Variants in MRPL19 observed in about 807,000 individuals in gnomAD.
MRPL19 encodes large ribosomal subunit protein bL19m.
A neutral mutation model predicts 34.0 loss-of-function variants in MRPL19; 31 were observed. The ratio of observed to expected loss-of-function variants is 0.91; its 90% CI spans 0.68 to 1.23. MRPL19 has a LOEUF of 1.23. MRPL19 is among the 50% of genes most tolerant of loss of function. MRPL19 has a pLI of 0.00. For synonymous variants in MRPL19, 152 were observed against 127.7 expected, an observed-to-expected ratio of 1.19 and a Z score of -1.28; for missense variants, 384 against 367.6, an observed-to-expected ratio of 1.04 and a Z score of -0.37.
chr2:75,655,254 G>A lies in MRPL19; in HGVS notation c.848G>A (p.Trp283Ter). Residue 283 changes from tryptophan to a stop codon, truncating the protein, a stop_gained, in exon 6 of 6, where the codon TGG (tryptophan) becomes TAG (stop). Transcript: ENST00000393909. LOFTEE classifies it high-confidence loss of function. The stretch of plus-strand genomic sequence containing the variant: ...ACTTCAAAAATTGAAGCTGCAATAT[G>A]GAAGGAAATTGAAGCGTCGAAAAGG... ...YDTSKIEAAI[W>*]KEIEASKRS 2 of 1,612,978 alleles carry A rather than the reference G, an allele frequency of 1.2e-6. No homozygotes were observed. The highest frequency in any genetic ancestry group is 1.1e-5 in the South Asian group (1 of 90,848).
chr2:75,655,891 A>AC lies in MRPL19; in HGVS notation c.*608dup, dbSNP rs59536159. 6.6e-6 allele frequency: 1 copy of AC among 151,406 alleles called. No individual in the cohort carries two copies. The highest frequency in any genetic ancestry group is 2.4e-5 in the African/African-American group (1 of 41,100). The allele number at this position is 151,406 out of a possible 1,614,324, so 9.4% of individuals were successfully genotyped here. Reference sequence around the variant, plus strand: ...AATTTTGAAAAACCTGAAAAAAAAAACCTGTTAGCAAGTATAAAGGGGCAG... The same window carrying AC: ...AATTTTGAAAAACCTGAAAAAAAAAACCCTGTTAGCAAGTATAAAGGGGCAG... On this transcript the variant is annotated 3_prime_UTR_variant, in exon 6 of 6. Transcript: ENST00000393909.
At chr2:75,652,394 C>CAAA in intron 3 of MRPL19, 129 bp from the exon 4 acceptor site, 1 of 1,322,896 alleles carries the variant, frequency 7.6e-7, no homozygotes, top group African/African-American at 1.5e-5. Flanking sequence ...AGTATTTATT[C>CAAA]CTACATTAAA....
Position 75,646,831 on chromosome 2 carries a change from G to A in MRPL19, c.24G>A (p.Gly8=), listed in dbSNP as rs371697742. The A allele has an allele frequency of 1.3e-6, 2 of 1,581,074 alleles. No individual in the cohort carries two copies. Among genetic ancestry groups the A allele is most frequent in the Non-Finnish European group, 1.7e-6 (2 of 1,163,420 alleles). Residue 8 remains glycine, a synonymous_variant, in exon 1 of 6, where the codon GGG becomes GGA. Transcript: ENST00000393909. MAACIAA[G]HWAAMGLGRS... is the part of the protein sequence containing the mutation. ...GCATGGCGGCCTGCATTGCAGCGGG[G>A]CACTGGGCTGCAATGGGCCTAGGCC...
intron 2 of MRPL19, chr2:75,647,802 T>G (rs1678254300): frequency 6.6e-6 from 1 of 152,252 alleles, no homozygotes; most frequent in African/African-American, 2.4e-5. Flanking sequence ...AAGCCAGTTT[T>G]CAGAGGAAAA....
rs943227290 is a variant in MRPL19, at chr2:75,652,728, T to C, written c.475+71T>C. On this transcript the variant is annotated intron_variant, in intron 4 of 5. Transcript: ENST00000393909. ...AGGATTCCTTTTTGTTTCTGCATCC[T>C]GGGATAAGAAATCTGAAATTTGAAA... 2.7e-6 allele frequency: 4 copies of C among 1,496,520 alleles called. No homozygotes were observed. In the African/African-American group the frequency reaches 5.6e-5, roughly 21 times the overall value. The allele number at this position is 1,496,520 out of a possible 1,614,324, so 92.7% of individuals were successfully genotyped here.
chr2:75,652,330 T>C (rs1238209566), intron 3 of MRPL19, 70 bp downstream of exon 3: 52 of 1,341,068 alleles, frequency 3.9e-5, no homozygotes, highest in Non-Finnish European at 5.0e-5. Flanking sequence ...TGGTTAGTTT[T>C]CTTAAAAAGC....
chr2:75,659,459 T>G lies in MRPL19; in HGVS notation c.*4174T>G, dbSNP rs759674733. Among the ~76,000 whole-genome samples, 14 of 152,186 alleles carry G rather than the reference T, an allele frequency of 9.2e-5. No homozygotes were observed. The highest frequency in any genetic ancestry group is 1.3e-4 in the Non-Finnish European group (9 of 68,006). The stretch of plus-strand genomic sequence containing the variant: ...TATATTTGTCAATATATTTATCTTA[T>G]TTTGGATCCTTATTTCATTATATAG... On this transcript the variant is annotated 3_prime_UTR_variant, in exon 6 of 6. Coordinates refer to ENST00000393909, the MANE Select transcript of MRPL19 (RefSeq NM_014763.4).
chr2:75,649,594 CCTT>C (rs1310209298), intron 2 of MRPL19, among the ~76,000 whole-genome samples: 1 of 152,080 alleles, frequency 6.6e-6, no homozygotes, highest in Non-Finnish European at 1.5e-5. Flanking sequence ...AGGAGCAAGT[CCTT>C]ATTCTTAGCA....
At chr2:75,654,606 C>A in intron 4 of MRPL19, 130 bp from the exon 5 acceptor site, 1 of 720,128 alleles carries the variant, frequency 1.4e-6, no homozygotes, top group Non-Finnish European at 2.1e-6. Flanking sequence ...TTAAAAATTT[C>A]AAATTAACGG....
chr2:75,655,210 TATG>T lies in MRPL19; in HGVS notation c.809_811del (p.Met270del). On this transcript the variant is annotated inframe_deletion, in exon 6 of 6. Transcript: ENST00000393909. Reference sequence around the variant, plus strand: ...GGAATCAGCCATGGCTTGAATTTGATATGATGAGGGAATATGATACTTCAAAAA... The same window carrying T: ...GGAATCAGCCATGGCTTGAATTTGATATGAGGGAATATGATACTTCAAAAA... The T allele has an allele frequency of 6.2e-7, 1 of 1,613,564 alleles. No individual in the cohort carries two copies. The highest frequency in any genetic ancestry group is 8.5e-7 in the Non-Finnish European group (1 of 1,179,762).
In MRPL19 at chr2:75,660,954, C is replaced by T. The variant is rs967841353; in HGVS notation, c.*5669C>T. On this transcript the variant is annotated 3_prime_UTR_variant, in exon 6 of 6. Transcript: ENST00000393909. ...TTTGGATATCTTGACCATAGTCTTT[C>T]GACCCAGGTGTTTGCGGTTGTTAGT... 1 of 152,134 alleles carries T rather than the reference C, an allele frequency of 6.6e-6. No homozygotes were observed. Among genetic ancestry groups the T allele is most frequent in the East Asian group, 1.9e-4 (1 of 5,202 alleles). 9.4% of individuals were successfully genotyped at this position (152,134 alleles called of 1,614,324 possible). A position where few individuals can be genotyped will look rare whatever the true frequency, so the allele number is the denominator to read the frequency against.
In MRPL19 at chr2:75,647,163, A is replaced by G; in HGVS notation, c.165A>G (p.Gln55=). The change falls in exon 2 of 6, where the codon CAA becomes CAG. Residue 55 remains glutamine (Q), a synonymous_variant. Transcript: ENST00000393909. ...STGPSEPGAF[Q]PPPKPVIVDK... ...GGCCTTCCGAGCCCGGTGCGTTCCA[A>G]CCGCCGCCGAAACCGGTCATCGTGG... The G allele has an allele frequency of 6.3e-7, 1 of 1,577,298 alleles. No homozygotes were observed. Among genetic ancestry groups the G allele is most frequent in the South Asian group, 1.2e-5 (1 of 86,138 alleles).
Position 75,655,951 on chromosome 2 carries a change from C to G in MRPL19, c.*666C>G, listed in dbSNP as rs543021288. ...TATTGCATGAAGGCTTCAAGGGAAA[C>G]GTTACAGTCTTTGGGTCATAGTCTG... On this transcript the variant is annotated 3_prime_UTR_variant, in exon 6 of 6. Transcript: ENST00000393909. 1 of 151,674 alleles carries G rather than the reference C, an allele frequency of 6.6e-6. No individual in the cohort carries two copies. Among genetic ancestry groups the G allele is most frequent in the Non-Finnish European group, 1.5e-5 (1 of 67,976 alleles). The allele number at this position is 151,674 out of a possible 1,614,324, so 9.4% of individuals were successfully genotyped here.
In MRPL19 at chr2:75,661,023, G is replaced by A. The variant is rs984508730; in HGVS notation, c.*5738G>A. On this transcript the variant is annotated 3_prime_UTR_variant, in exon 6 of 6. Coordinates refer to ENST00000393909, the MANE Select transcript of MRPL19 (RefSeq NM_014763.4). ...AAGCATTGCCTACTGCTTACGATGA[G>A]TGCTCTGTCAATCCTTTAAGTAGCC... is the stretch of plus-strand genomic sequence containing the variant. 6.6e-6 allele frequency: 1 copy of A among 152,054 alleles called. No homozygotes were observed. The highest frequency in any genetic ancestry group is 2.4e-5 in the African/African-American group (1 of 41,378). The allele number at this position is 152,054 out of a possible 1,614,324, so 9.4% of individuals were successfully genotyped here. A position where few individuals can be genotyped will look rare whatever the true frequency, so the allele number is the denominator to read the frequency against.
rs1400924776 is a variant in MRPL19, at chr2:75,657,639, G to C, written c.*2354G>C. 6.6e-6 allele frequency: 1 copy of C among 151,980 alleles called. No individual in the cohort carries two copies. The highest frequency in any genetic ancestry group is 2.4e-5 in the African/African-American group (1 of 41,386). The allele number at this position is 151,980 out of a possible 1,614,324, so 9.4% of individuals were successfully genotyped here. A position where few individuals can be genotyped will look rare whatever the true frequency, so the allele number is the denominator to read the frequency against. On this transcript the variant is annotated 3_prime_UTR_variant, in exon 6 of 6. Transcript: ENST00000393909. ...TTAAAACCTGTTCTTTTTCTGTCTTGATAAACACACTTCAATCTTGGTAGA... is the reference window on the plus strand; with the variant it reads ...TTAAAACCTGTTCTTTTTCTGTCTTCATAAACACACTTCAATCTTGGTAGA...
At chr2:75,647,066 C>T in intron 1 of MRPL19, 36 bp from the exon 2 acceptor site, 1 of 1,545,562 alleles carries the variant, frequency 6.5e-7, no homozygotes, top group Non-Finnish European at 8.8e-7. Flanking sequence ...TCAGGGTTGG[C>T]ACGAGAGTTC....
In MRPL19 at chr2:75,661,574, CAGAG is replaced by C. The variant is rs1207044299; in HGVS notation, c.*6293_*6296del. On this transcript the variant is annotated 3_prime_UTR_variant, in exon 6 of 6. Transcript: ENST00000393909. Reference sequence around the variant, plus strand: ...AAATCCCTGAGCCTTTTGAATAACTCAGAGAGATCAAAAACTTAGTTTATCCTAT... The same window carrying C: ...AAATCCCTGAGCCTTTTGAATAACTCAGATCAAAAACTTAGTTTATCCTAT... 3.9e-5 allele frequency: 6 copies of C among 152,170 alleles called. No homozygotes were observed. Among genetic ancestry groups the C allele is most frequent in the African/African-American group, 1.4e-4 (6 of 41,520 alleles). 9.4% of individuals were successfully genotyped at this position (152,170 alleles called of 1,614,324 possible).
At chr2:75,652,476 A>AGCTGGGTGT (rs1231696953) in intron 3 of MRPL19, 47 bp from the exon 4 acceptor site, 5 of 1,594,462 alleles carry the variant, frequency 3.1e-6, no homozygotes, top group Non-Finnish European at 4.3e-6. Flanking sequence ...TTTACTTCTC[A>AGCTGGGTGT]GCTGGGTGTG....
intron 2 of MRPL19, among the ~76,000 whole-genome samples, chr2:75,650,674 A>G (rs1268282236): frequency 6.6e-6 from 1 of 152,130 alleles, no homozygotes; most frequent in Non-Finnish European, 1.5e-5. Context: ...AGTTAGGAGA[A>G]TGTGAAATGC....
Sources: allele counts gnomAD v4.1 joint callset (sites outside exome capture counted in the v4.1 genomes callset), GRCh38; gene constraint gnomAD v4.1.1; transcripts MANE v1.5; gene names NCBI Gene and HGNC (gene_info 2026-07-23, HGNC 2026-07-21).